CTIF: variants seen among roughly 807,000 people sequenced by gnomAD.
CTIF encodes cap binding complex dependent translation initiation factor, also known as CBP80/20-dependent translation initiation factor.
In CTIF, 21 loss-of-function variants were observed where a neutral mutation model predicts 66.0. That is an observed-to-expected ratio of 0.32 (90% CI 0.23 to 0.46). CTIF has a LOEUF of 0.46. CTIF is among the 20% of genes least tolerant of loss of function. The pLI, the probability that CTIF is intolerant of heterozygous loss-of-function variation, is 1.00. For synonymous variants in CTIF, 345 were observed against 326.4 expected (o/e 1.06, Z -0.62); for missense variants, 739 against 812.7 (o/e 0.91, Z 1.10).
intron 9 of CTIF, among the ~76,000 whole-genome samples, chr18:48,767,993 T>A (rs1161494050): frequency 6.6e-6 from 1 of 152,124 alleles, no homozygotes; most frequent in Non-Finnish European, 1.5e-5. Flanking sequence ...TACCCATACC[T>A]CATCCTGGAT....
At chr18:48,563,372 C>T (rs1471616098) in intron 1 of CTIF, among the ~76,000 whole-genome samples, 1 of 152,224 alleles carries the variant, frequency 6.6e-6, no homozygotes, top group Admixed American at 6.5e-5. Context: ...GAGACAGTTT[C>T]AACTATGGTA....
chr18:48,783,405 T>TA (rs112081914), intron 9 of CTIF, among the ~76,000 whole-genome samples: 62 of 148,370 alleles, frequency 4.2e-4, no homozygotes, highest in South Asian at 2.1e-3. Flanking sequence ...GATGAAGCTT[T>TA]AAAAAAAAAA....
chr18:48,768,605 G>A (rs56342288), intron 9 of CTIF, among the ~76,000 whole-genome samples: 3,053 of 152,288 alleles, frequency 0.02, 58 homozygotes, highest in Non-Finnish European at 0.03. Flanking sequence ...CAAAAACTTG[G>A]GAAAATCAAG....
rs1286804332 is a variant in CTIF at position 48,656,367 on chromosome 18, CCATCA to C, written c.253-7384_253-7380del. The stretch of plus-strand genomic sequence containing the variant: ...GCAGGTGCTCTGTGCCTCAGTCTCC[CCATCA>C]GTAAAATGGGGATGGTGATCATACT... On this transcript the variant is annotated intron_variant, in intron 3 of 11. Coordinates refer to ENST00000256413, the MANE Select transcript of CTIF (RefSeq NM_014772.3). Among the ~76,000 whole-genome samples, 4 of 152,174 alleles carry C rather than the reference CCATCA, an allele frequency of 2.6e-5. No individual in the cohort carries two copies. The East Asian group carries it at 7.7e-4, about 29-fold the overall frequency.
chr18:48,614,239 G>A (rs1006315319), intron 1 of CTIF, among the ~76,000 whole-genome samples: 3 of 152,128 alleles, frequency 2.0e-5, no homozygotes, highest in Non-Finnish European at 4.4e-5. Flanking sequence ...CAGGAAGGCA[G>A]CAAAACAAGC....
intron 6 of CTIF, among the ~76,000 whole-genome samples, chr18:48,709,550 C>G (rs546630687): frequency 2.0e-5 from 3 of 152,342 alleles, no homozygotes. Context: ...GCCTCAGAGC[C>G]GAGATCCTAG....
At chr18:48,762,395 A>C (rs1397134613) in intron 9 of CTIF, among the ~76,000 whole-genome samples, 1 of 152,106 alleles carries the variant, frequency 6.6e-6, no homozygotes, top group Non-Finnish European at 1.5e-5. Context: ...GTTTCATCTC[A>C]CAAGTACCTG....
intron 3 of CTIF, among the ~76,000 whole-genome samples, chr18:48,660,175 C>T (rs58328112): frequency 0.085 from 12,725 of 150,006 alleles, 583 homozygotes; most frequent in Middle Eastern, 0.12. Flanking sequence ...CTCTTGATAT[C>T]GTTCAGGGAT....
At chr18:48,776,595 G>A (rs1910702289) in intron 9 of CTIF, among the ~76,000 whole-genome samples, 1 of 152,258 alleles carries the variant, frequency 6.6e-6, no homozygotes, top group Admixed American at 6.5e-5. Flanking sequence ...GGGAAACGAG[G>A]GCACTGGGTC....
chr18:48,699,859 T>TGACAGC (rs1306281757), intron 6 of CTIF, among the ~76,000 whole-genome samples: 1 of 152,238 alleles, frequency 6.6e-6, no homozygotes. Flanking sequence ...TAAGTGGCAG[T>TGACAGC]GACAGCATCT....
intron 1 of CTIF, chr18:48,565,562 C>T (rs1308222776): frequency 1.3e-5 from 2 of 152,154 alleles, no homozygotes; most frequent in Admixed American, 1.3e-4. Context: ...ATGTTCTTTC[C>T]AGCAGCCCCA....
chr18:48,842,600 C>T (rs149575684), intron 10 of CTIF, among the ~76,000 whole-genome samples: 167 of 152,318 alleles, frequency 1.1e-3, no homozygotes, highest in African/African-American at 3.4e-3. Context: ...TTTCCAGAGG[C>T]CAGGGCTGGC....
At chr18:48,626,100 T>C (rs1176612610) in intron 2 of CTIF, among the ~76,000 whole-genome samples, 2 of 145,634 alleles carry the variant, frequency 1.4e-5, no homozygotes, top group Non-Finnish European at 3.0e-5. Context: ...CCACCGCAGG[T>C]TCAAGCAACT....
chr18:48,739,698 T>C (rs1278638880), intron 7 of CTIF, among the ~76,000 whole-genome samples: 1 of 152,198 alleles, frequency 6.6e-6, no homozygotes, highest in Non-Finnish European at 1.5e-5. Context: ...GCGGGGCCCT[T>C]CCCAGGGGCC....
chr18:48,790,438 C>T (rs1257060271), intron 9 of CTIF, among the ~76,000 whole-genome samples: 1 of 152,206 alleles, frequency 6.6e-6, no homozygotes, highest in African/African-American at 2.4e-5. Context: ...AAGGGACAGC[C>T]AGCAGGCATG....
intron 7 of CTIF, among the ~76,000 whole-genome samples, chr18:48,719,013 G>A (rs1399801062): frequency 6.6e-6 from 1 of 152,214 alleles, no homozygotes; most frequent in Non-Finnish European, 1.5e-5. Context: ...CAAACTTGGA[G>A]TGGGAGAGGT....
At chr18:48,805,682 C>T (rs2068132159) in intron 9 of CTIF, among the ~76,000 whole-genome samples, 1 of 152,184 alleles carries the variant, frequency 6.6e-6, no homozygotes, top group South Asian at 2.1e-4. Context: ...GAGACGGTGG[C>T]CTTGGAGCAG....
chr18:48,735,095 G>A (rs960709860), intron 7 of CTIF, among the ~76,000 whole-genome samples: 1 of 136,170 alleles, frequency 7.3e-6, no homozygotes, highest in Non-Finnish European at 1.6e-5. Context: ...CAGTTTGTGT[G>A]CGTGTGTGTG....
chr18:48,696,199 G>A (rs981817393), intron 6 of CTIF, among the ~76,000 whole-genome samples: 5 of 152,216 alleles, frequency 3.3e-5, no homozygotes, highest in Middle Eastern at 3.2e-3. Flanking sequence ...GGGCTTAGGA[G>A]TCCCTGGAGT....
Sources: gnomAD v4.1 joint callset for allele counts (sites outside exome capture counted in the v4.1 genomes callset) on GRCh38, gnomAD v4.1.1 for gene constraint, MANE v1.5 for transcripts, NCBI Gene and HGNC (gene_info 2026-07-23, HGNC 2026-07-21) for gene names.